SLC10A7: variants seen among roughly 807,000 people sequenced by gnomAD.
The protein encoded by SLC10A7 is solute carrier family 10 member 7.
SLC10A7 carries 29 observed loss-of-function variants against 43.2 expected under a neutral mutation model. That is an observed-to-expected ratio of 0.67 (90% CI 0.50 to 0.92). SLC10A7 has a LOEUF of 0.92. Ranked by LOEUF, SLC10A7 falls within the 40% of genes least tolerant of loss-of-function variation. The pLI is 0.00. For synonymous variants in SLC10A7, 152 were observed against 144.8 expected (o/e 1.05, Z -0.35); for missense variants, 295 against 403.2 (o/e 0.73, Z 2.30).
chr4:146,293,425 T>G (rs1269345048), intron 8 of SLC10A7, among the ~76,000 whole-genome samples: 1 of 152,230 alleles, frequency 6.6e-6, no homozygotes, highest in Non-Finnish European at 1.5e-5. Flanking sequence ...AGCAGTTTCC[T>G]GCATTTTATA....
intron 6 of SLC10A7, among the ~76,000 whole-genome samples, chr4:146,323,034 CTG>C: frequency 6.6e-6 from 1 of 152,300 alleles, no homozygotes; most frequent in East Asian, 1.9e-4. Context: ...TGAGAAATGT[CTG>C]TTGATATCCT....
chr4:146,463,654 T>C (rs1732737075), intron 4 of SLC10A7, among the ~76,000 whole-genome samples: 1 of 151,936 alleles, frequency 6.6e-6, no homozygotes, highest in Admixed American at 6.6e-5. Context: ...GGCAGGAGGA[T>C]TGCTTGGGCT....
chr4:146,264,839 C>T (rs571498477), intron 10 of SLC10A7, among the ~76,000 whole-genome samples: 59 of 152,270 alleles, frequency 3.9e-4, no homozygotes, highest in African/African-American at 1.4e-3. Context: ...CCCTTTTCCC[C>T]TCAGTTTTCA....
At chr4:146,293,470 TG>T (rs1730576572) in intron 8 of SLC10A7, among the ~76,000 whole-genome samples, 1 of 152,188 alleles carries the variant, frequency 6.6e-6, no homozygotes, top group African/African-American at 2.4e-5. Flanking sequence ...GACATTATTT[TG>T]GGTAAATTTT....
intron 5 of SLC10A7, among the ~76,000 whole-genome samples, chr4:146,358,917 A>G (rs968076182): frequency 1.3e-5 from 2 of 152,170 alleles, no homozygotes; most frequent in Non-Finnish European, 2.9e-5. Flanking sequence ...GTGATAGGGT[A>G]GGCATATGTT....
rs553693126 is a variant in SLC10A7, at chr4:146,335,701, G to A, written c.436-9705C>T. Among the ~76,000 whole-genome samples, 735 of 152,076 alleles carry A rather than the reference G, an allele frequency of 4.8e-3. 7 individuals are homozygous for A. The highest frequency in any genetic ancestry group is 0.037 in the Middle Eastern group (11 of 294). On this transcript the variant is annotated intron_variant, in intron 5 of 11. Coordinates refer to ENST00000335472, the MANE Select transcript of SLC10A7 (RefSeq NM_001029998.6). ...CCACTGAGCTAATATTTCCATACAAGGAAATGATGATAAGATAATCATTTT... is the reference window on the plus strand; with the variant it reads ...CCACTGAGCTAATATTTCCATACAAAGAAATGATGATAAGATAATCATTTT...
chr4:146,370,050 TA>T (rs1013156495), intron 5 of SLC10A7, among the ~76,000 whole-genome samples: 8 of 151,456 alleles, frequency 5.3e-5, no homozygotes, highest in Admixed American at 2.6e-4. Context: ...AAGCTGAAAG[TA>T]AAAAAAAATC....
At chr4:146,503,976 C>T (rs754917000) in intron 3 of SLC10A7, 52 bp from the exon 4 acceptor site, 8 of 1,425,370 alleles carry the variant, frequency 5.6e-6, no homozygotes, top group Non-Finnish European at 6.9e-6. Flanking sequence ...TCATAGACAG[C>T]TTTCACTACA....
chr4:146,475,507 T>C (rs1402556634), intron 4 of SLC10A7, among the ~76,000 whole-genome samples: 1 of 152,210 alleles, frequency 6.6e-6, no homozygotes, highest in African/African-American at 2.4e-5. Context: ...CAAACATCCT[T>C]GCCTTCCACG....
chr4:146,521,533 ATGAGGGT>A lies in SLC10A7; in HGVS notation c.100+78_100+84del, dbSNP rs1489587544. ...CCCCTGAAATTGGCAAGCGCTTGCA[ATGAGGGT>A]TGCCCCACCTTTCCAAGACTCACAA... On this transcript the variant is annotated intron_variant, in intron 1 of 11. Coordinates refer to ENST00000335472, the MANE Select transcript of SLC10A7 (RefSeq NM_001029998.6). The A allele has an allele frequency of 1.3e-5, 15 of 1,160,946 alleles. No homozygotes were observed. In the African/African-American group the frequency reaches 2.3e-4, roughly 18 times the overall value. 71.9% of individuals were successfully genotyped at this position (1,160,946 alleles called of 1,614,324 possible).
At chr4:146,505,316 T>A (rs1339940296) in intron 3 of SLC10A7, among the ~76,000 whole-genome samples, 1 of 152,224 alleles carries the variant, frequency 6.6e-6, no homozygotes, top group Non-Finnish European at 1.5e-5. Flanking sequence ...TTCTTCCTTA[T>A]AATTTTCTTA....
At chr4:146,440,329 GCTGGAGTAGGGAGCT>G (rs1216115670) in intron 5 of SLC10A7, among the ~76,000 whole-genome samples, 3 of 151,190 alleles carry the variant, frequency 2.0e-5, no homozygotes, top group African/African-American at 7.3e-5. Flanking sequence ...TTTCACCCAG[GCTGGAGTAGGGAGCT>G]CTTTTTTCTA....
At chr4:146,408,864 G>A (rs1560880466) in intron 5 of SLC10A7, among the ~76,000 whole-genome samples, 1 of 152,040 alleles carries the variant, frequency 6.6e-6, no homozygotes, top group African/African-American at 2.4e-5. Flanking sequence ...CAGCTTTAAT[G>A]TTAATCATTT....
At chr4:146,339,914 C>T (rs569081129) in intron 5 of SLC10A7, among the ~76,000 whole-genome samples, 1 of 150,606 alleles carries the variant, frequency 6.6e-6, no homozygotes, top group East Asian at 2.0e-4. Flanking sequence ...CACCTATCAA[C>T]CCATCATCTA....
intron 9 of SLC10A7, among the ~76,000 whole-genome samples, chr4:146,284,182 A>G (rs1415186090): frequency 6.6e-6 from 1 of 152,224 alleles, no homozygotes; most frequent in Admixed American, 6.5e-5. Context: ...GGATTTGACT[A>G]TATAGAGTCT....
intron 5 of SLC10A7, among the ~76,000 whole-genome samples, chr4:146,403,603 T>A (rs747617611): frequency 1.3e-5 from 2 of 152,208 alleles, no homozygotes; most frequent in Admixed American, 1.3e-4. Context: ...GCCTATCACA[T>A]GCTTATATGT....
chr4:146,304,961 T>G (rs1731445730), intron 7 of SLC10A7, among the ~76,000 whole-genome samples: 1 of 152,140 alleles, frequency 6.6e-6, no homozygotes. Flanking sequence ...ATATTTAGGA[T>G]AGTTAGCTCT....
intron 5 of SLC10A7, among the ~76,000 whole-genome samples, chr4:146,426,095 T>G (rs1729332942): frequency 6.6e-6 from 1 of 152,214 alleles, no homozygotes; most frequent in Non-Finnish European, 1.5e-5. Context: ...TGTGAGTCTA[T>G]TCCTGCAAGG....
In SLC10A7 at chr4:146,464,116, C is replaced by G. The variant is rs374692531; in HGVS notation, c.397-21295G>C. 7.3e-5 allele frequency among the ~76,000 whole-genome samples: 11 copies of G among 151,696 alleles called. No homozygotes were observed. In the East Asian group the frequency reaches 9.7e-4, roughly 13 times the overall value. Reference sequence around the variant, plus strand: ...CTGGGATTATAGGCATGAGTCACCACGCCTGGCCCCATTATTTTCTAATAG... The same window carrying G: ...CTGGGATTATAGGCATGAGTCACCAGGCCTGGCCCCATTATTTTCTAATAG... On this transcript the variant is annotated intron_variant, in intron 4 of 11. Transcript: ENST00000335472.
Sources: allele counts gnomAD v4.1 joint callset (sites outside exome capture counted in the v4.1 genomes callset), GRCh38; gene constraint gnomAD v4.1.1; transcripts MANE v1.5; gene names NCBI Gene and HGNC (gene_info 2026-07-23, HGNC 2026-07-21).